The following GIP variants were observed in gnomAD, a reference collection of about 807,000 sequenced individuals.
The protein encoded by GIP is gastric inhibitory polypeptide, also known as glucose-dependent insulinotropic polypeptide.
A neutral mutation model predicts 18.1 loss-of-function variants in GIP; 16 were observed. The ratio of observed to expected loss-of-function variants is 0.88; its 90% CI spans 0.60 to 1.34. The LOEUF (loss-of-function observed/expected upper bound fraction) is 1.34. Ranked by LOEUF, GIP falls within the 40% of genes most tolerant of loss-of-function variation. GIP has a pLI of 0.00. For missense variants in GIP, 192 were observed against 183.4 expected (o/e 1.05, Z -0.27); for synonymous variants, 76 against 74.0 (o/e 1.03, Z -0.14).
intron 3 of GIP, among the ~76,000 whole-genome samples, chr17:48,963,968 G>A (rs1160569290): frequency 4.1e-5 from 6 of 147,424 alleles, no homozygotes; most frequent in Admixed American, 2.8e-4. Context: ...TAGCTAACAC[G>A]GTGAAACCCC....
At position 48,964,419 on chromosome 17, in the gene GIP, G is replaced by A; in HGVS notation, c.148C>T (p.Pro50Ser). ...ATGAAAGTCCCTTCCGCGTACCTGG[G>A]GCCTCGAGGTTGAGGGCTGCTCACC... ...AKVSSPQPRG[P>S]RYAEGTFISD... Residue 50 changes from proline to serine, a missense_variant, in exon 3 of 6, where the codon CCC becomes TCC. Coordinates refer to ENST00000357424, the MANE Select transcript of GIP (RefSeq NM_004123.3). 6.2e-7 allele frequency: 1 copy of A among 1,613,962 alleles called. No homozygotes were observed. The highest frequency in any genetic ancestry group is 2.2e-5 in the East Asian group (1 of 44,874).
chr17:48,959,561 C>T (rs1005906599), intron 5 of GIP, among the ~76,000 whole-genome samples: 1 of 152,112 alleles, frequency 6.6e-6, no homozygotes, highest in African/African-American at 2.4e-5. Flanking sequence ...ATATTTAGTG[C>T]CTCGATTCTG....
rs2041200294 is a variant in GIP at position 48,961,486 on chromosome 17, A to G, written c.350+241T>C. 3.3e-5 allele frequency among the ~76,000 whole-genome samples: 5 copies of G among 152,222 alleles called. No individual in the cohort carries two copies. The South Asian group carries it at 1.0e-3, about 32-fold the overall frequency. ...GACTGTGCTGTGCATGCAGTCATCA[A>G]TATTAGAAACCCTGTCCCTGAAACC... On this transcript the variant is annotated intron_variant, in intron 4 of 5. Coordinates refer to ENST00000357424, the MANE Select transcript of GIP (RefSeq NM_004123.3).
In GIP at chr17:48,961,750, C is replaced by T; in HGVS notation, c.327G>A (p.Glu109=). 1 of 1,611,842 alleles carries T rather than the reference C, an allele frequency of 6.2e-7. No individual in the cohort carries two copies. The highest frequency in any genetic ancestry group is 8.5e-7 in the Non-Finnish European group (1 of 1,178,988). ...ACCTCTGTGGCTCCACTGCCTCCTCCTCCTTCCTATTAGCTTGACTGGCCA... is the reference window on the plus strand; with the variant it reads ...ACCTCTGTGGCTCCACTGCCTCCTCTTCCTTCCTATTAGCTTGACTGGCCA... ...LELASQANRK[E]EEAVEPQSSP... Residue 109 remains glutamate, a synonymous_variant, in exon 4 of 6, where the codon GAG becomes GAA. Coordinates refer to ENST00000357424, the MANE Select transcript of GIP (RefSeq NM_004123.3).
At chr17:48,962,165 G>A (rs1274105161) in intron 3 of GIP, among the ~76,000 whole-genome samples, 1 of 152,178 alleles carries the variant, frequency 6.6e-6, no homozygotes, top group African/African-American at 2.4e-5. Flanking sequence ...TGCCTCCCAG[G>A]CTGAAGCCAT....
intron 2 of GIP, among the ~76,000 whole-genome samples, chr17:48,965,043 G>A (rs2041227744): frequency 6.6e-6 from 1 of 151,230 alleles, no homozygotes; most frequent in Admixed American, 6.6e-5. Flanking sequence ...GGAGGCTGAG[G>A]CAGGAGAATG....
chr17:48,964,603 C>A, intron 2 of GIP, 123 bp from the exon 3 acceptor site: 1 of 759,790 alleles, frequency 1.3e-6, no homozygotes, highest in Non-Finnish European at 2.1e-6. Flanking sequence ...ATGGAGACTC[C>A]CTGTGGATCC....
intron 1 of GIP, among the ~76,000 whole-genome samples, 171 bp downstream of exon 1, chr17:48,968,346 G>A (rs1225431718): frequency 3.3e-5 from 5 of 151,874 alleles, no homozygotes; most frequent in East Asian, 1.9e-4. Context: ...CTCCTACCTC[G>A]GCTCCCAAAG....
chr17:48,964,239 G>T, intron 3 of GIP, 71 bp downstream of exon 3: 1 of 1,174,278 alleles, frequency 8.5e-7, no homozygotes, highest in Non-Finnish European at 1.3e-6. Context: ...GGCCACAGCC[G>T]GTGGCCTCCT....
At chr17:48,965,126 G>A (rs1166452318) in intron 2 of GIP, among the ~76,000 whole-genome samples, 1 of 73,726 alleles carries the variant, frequency 1.4e-5, no homozygotes, top group Non-Finnish European at 2.4e-5. Flanking sequence ...GAGACAGAGC[G>A]AGACTCCGTC....
At chr17:48,965,171 CAT>C (rs1187670477) in intron 2 of GIP, among the ~76,000 whole-genome samples, 2 of 129,150 alleles carry the variant, frequency 1.5e-5, no homozygotes, top group Non-Finnish European at 3.2e-5. Context: ...CGTGGTGGCA[CAT>C]GCCTGTAATC....
At chr17:48,963,797 C>T (rs1455574137) in intron 3 of GIP, among the ~76,000 whole-genome samples, 5 of 131,738 alleles carry the variant, frequency 3.8e-5, no homozygotes, top group East Asian at 2.2e-4. Flanking sequence ...GCAAAGATTG[C>T]GCCATTGCAC....
chr17:48,964,628 C>A, intron 2 of GIP, 148 bp from the exon 3 acceptor site: 1 of 638,010 alleles, frequency 1.6e-6, no homozygotes, highest in Non-Finnish European at 2.7e-6. Flanking sequence ...CCCCACCCCA[C>A]CCCAGGCTTT....
Position 48,968,157 on chromosome 17 carries a change from A to G in GIP, c.-22+360T>C, listed in dbSNP as rs189833765. On this transcript the variant is annotated intron_variant, in intron 1 of 5. Coordinates refer to ENST00000357424, the MANE Select transcript of GIP (RefSeq NM_004123.3). ...ACCCGGGTTGGAGTGCAGTGACACA[A>G]TCGTGGCTCACTGCAGCCTCGACCT... is the stretch of plus-strand genomic sequence containing the variant. Among the ~76,000 whole-genome samples, 305 of 151,992 alleles carry G rather than the reference A, an allele frequency of 2.0e-3. 1 individual carries two copies. Among genetic ancestry groups the G allele is most frequent in the African/African-American group, 6.9e-3 (285 of 41,504 alleles).
intron 2 of GIP, among the ~76,000 whole-genome samples, chr17:48,966,158 T>G (rs1488452838): frequency 6.7e-6 from 1 of 148,368 alleles, no homozygotes; most frequent in Non-Finnish European, 1.5e-5. Flanking sequence ...CTTGGGAGGC[T>G]AAAGCAGAGA....
chr17:48,964,371 C>T lies in GIP; in HGVS notation c.196G>A (p.Asp66Asn), dbSNP rs758629441. 1 of 1,613,776 alleles carries T rather than the reference C, an allele frequency of 6.2e-7. No homozygotes were observed. The highest frequency in any genetic ancestry group is 2.2e-5 in the East Asian group (1 of 44,854). Residue 66 changes from aspartate to asparagine, a missense_variant, in exon 3 of 6, where the codon GAC (aspartate) becomes AAC (asparagine). Asp to Asn is a conservative substitution (Grantham distance 23). Transcript: ENST00000357424. ...ACAAAGTCTTGTTGGTGAATCTTGT[C>T]CATGGCAATACTGTAGTCACTGATG... is the stretch of plus-strand genomic sequence containing the variant. ...TFISDYSIAMDKIHQQDFVNW... is the reference protein window; with the variant it reads ...TFISDYSIAMNKIHQQDFVNW...
At chr17:48,967,040 C>CGG in intron 2 of GIP, 107 bp downstream of exon 2, 1 of 831,762 alleles carries the variant, frequency 1.2e-6, no homozygotes, top group Admixed American at 2.0e-5. Context: ...CTTCCTACCT[C>CGG]TTAGCCTGGA....
rs33956589 is a variant in GIP at position 48,965,138 on chromosome 17, C to CAAAAAA, written c.87-664_87-659dup. On this transcript the variant is annotated intron_variant, in intron 2 of 5. Coordinates refer to ENST00000357424, the MANE Select transcript of GIP (RefSeq NM_004123.3). ...TGGGAGACAGAGCGAGACTCCGTCT[C>CAAAAAA]AAAAAAAAAAAAATTAGCCAGGCGT... 2.0e-4 allele frequency among the ~76,000 whole-genome samples: 22 copies of CAAAAAA among 109,616 alleles called. 8 individuals carry two copies. Among genetic ancestry groups the CAAAAAA allele is most frequent in the African/African-American group, 5.2e-4 (11 of 21,130 alleles). The allele number at this position is 109,616 out of a possible 152,430, so 71.9% of individuals were successfully genotyped here. A position where few individuals can be genotyped will look rare whatever the true frequency, so the allele number is the denominator to read the frequency against.
At chr17:48,967,115 C>T (rs1333391578) in intron 2 of GIP, 32 bp downstream of exon 2, 1 of 1,488,098 alleles carries the variant, frequency 6.7e-7, no homozygotes, top group South Asian at 1.1e-5. Flanking sequence ...AACCCCTCCT[C>T]TGCCCCATCC....
Sources: gnomAD v4.1 joint callset for allele counts (sites outside exome capture counted in the v4.1 genomes callset) on GRCh38, gnomAD v4.1.1 for gene constraint, MANE v1.5 for transcripts, NCBI Gene and HGNC (gene_info 2026-07-23, HGNC 2026-07-21) for gene names.